Variants in KATNBL1 observed in about 807,000 individuals in gnomAD.
KATNBL1 encodes katanin regulatory subunit B1 like 1, also known as KATNB1-like protein 1.
A neutral mutation model predicts 44.7 loss-of-function variants in KATNBL1; 28 were observed. The ratio of observed to expected loss-of-function variants is 0.63; its 90% confidence interval spans 0.46 to 0.86. KATNBL1 has a LOEUF of 0.86. Ranked by LOEUF, KATNBL1 falls within the 40% of genes least tolerant of loss-of-function variation. KATNBL1 has a pLI of 0.00. For synonymous variants in KATNBL1, 78 were observed against 114.9 expected, an observed-to-expected ratio of 0.68 and a Z score of 2.06; for missense variants, 272 against 350.7, an observed-to-expected ratio of 0.78 and a Z score of 1.79.
intron 1 of KATNBL1, among the ~76,000 whole-genome samples, chr15:34,191,188 T>TATATATATATATATATATATATATATATA (rs1331589830): frequency 2.9e-5 from 4 of 137,906 alleles, no homozygotes; most frequent in Non-Finnish European, 6.2e-5. Flanking sequence ...TATATATATA[T>TATATATATATATATATATATATATATATA]TTGGTAGGGC....
chr15:34,180,200 A>G (rs1219138719), intron 1 of KATNBL1, among the ~76,000 whole-genome samples: 2 of 152,030 alleles, frequency 1.3e-5, no homozygotes, highest in Non-Finnish European at 2.9e-5. Context: ...AATTTCTACA[A>G]TGAGTGCTTT....
intron 1 of KATNBL1, among the ~76,000 whole-genome samples, chr15:34,179,635 G>A (rs1889459011): frequency 6.6e-6 from 1 of 152,078 alleles, no homozygotes; most frequent in Non-Finnish European, 1.5e-5. Flanking sequence ...CACCTGGCAA[G>A]CAACAGTATT....
rs1491367010 is a variant in KATNBL1 at position 34,151,435 on chromosome 15, A to ATT, written c.438+1354_438+1355insAA. Among the ~76,000 whole-genome samples the ATT allele has an allele frequency of 7.7e-3, 493 of 63,804 alleles. 25 individuals carry two copies. The highest frequency in any genetic ancestry group is 0.011 in the Non-Finnish European group (356 of 31,196). The allele number at this position is 63,804 out of a possible 152,430, so 41.9% of individuals were successfully genotyped here. On this transcript the variant is annotated intron_variant, in intron 4 of 9. Transcript: ENST00000256544. The stretch of plus-strand genomic sequence containing the variant: ...AAAGTGTCTATTGTGTCCTTTGCCT[A>ATT]CTTTTTTTTTTTTTTTTTTTTTTTT...
At chr15:34,173,393 GT>G (rs1340345872) in intron 1 of KATNBL1, among the ~76,000 whole-genome samples, 1 of 152,150 alleles carries the variant, frequency 6.6e-6, no homozygotes, top group Non-Finnish European at 1.5e-5. Context: ...ACTTGGTCAT[GT>G]AAAAATGACA....
chr15:34,192,768 G>GA (rs894731897), intron 1 of KATNBL1, among the ~76,000 whole-genome samples: 5 of 152,236 alleles, frequency 3.3e-5, no homozygotes, highest in East Asian at 3.9e-4. Flanking sequence ...AATAAATATG[G>GA]AAAAAATAAT....
At chr15:34,145,584 T>A (rs1466705484) in intron 8 of KATNBL1, 93 bp from the exon 9 acceptor site, 5 of 1,122,988 alleles carry the variant, frequency 4.5e-6, no homozygotes, top group Non-Finnish European at 5.7e-6. Context: ...TGTTCTAAAA[T>A]TTTTCAGGTA....
chr15:34,143,213 G>C (rs568117415), intron 9 of KATNBL1, among the ~76,000 whole-genome samples: 100 of 150,046 alleles, frequency 6.7e-4, no homozygotes, highest in African/African-American at 2.2e-3. Flanking sequence ...GGTGGCTCCC[G>C]CCTGTAATCC....
At chr15:34,143,894 G>A (rs1888228750) in intron 9 of KATNBL1, among the ~76,000 whole-genome samples, 1 of 144,660 alleles carries the variant, frequency 6.9e-6, no homozygotes, top group African/African-American at 2.5e-5. Context: ...GTGAACCTGG[G>A]AGGTGGAGCT....
chr15:34,176,573 T>G (rs1367871697), intron 1 of KATNBL1, among the ~76,000 whole-genome samples: 1 of 152,192 alleles, frequency 6.6e-6, no homozygotes, highest in Non-Finnish European at 1.5e-5. Flanking sequence ...ATTGTATATA[T>G]AGGCACAAGG....
intron 1 of KATNBL1, among the ~76,000 whole-genome samples, chr15:34,185,889 T>C (rs745982621): frequency 3.9e-5 from 6 of 152,166 alleles, no homozygotes. Flanking sequence ...TGGTGTCTCA[T>C]TGTCCAGATG....
rs549090779 is a variant in KATNBL1, at chr15:34,183,394, C to T, written c.-14-19704G>A. Among the ~76,000 whole-genome samples the T allele has an allele frequency of 1.1e-4, 16 of 152,298 alleles. No individual in the cohort carries two copies. In the East Asian group the frequency reaches 2.1e-3, roughly 20 times the overall value. ...CTACTTACTATGCAGGTAGGTATCA[C>T]AACTTACAATCTGGGTAAAAAATTA... On this transcript the variant is annotated intron_variant, in intron 1 of 9. Coordinates refer to ENST00000256544, the MANE Select transcript of KATNBL1 (RefSeq NM_024713.3).
chr15:34,184,496 A>AG lies in KATNBL1; in HGVS notation c.-14-20807_-14-20806insC, dbSNP rs1164599066. Among the ~76,000 whole-genome samples, 4 of 151,430 alleles carry AG rather than the reference A, an allele frequency of 2.6e-5. No individual in the cohort carries two copies. The East Asian group carries it at 7.8e-4, about 30-fold the overall frequency. On this transcript the variant is annotated intron_variant, in intron 1 of 9. Transcript: ENST00000256544. ...GTGAGATTCCATCTCAAAAAAAAAA[A>AG]AAAAGGAACTCCTAAACTCATTGTA... is the stretch of plus-strand genomic sequence containing the variant.
chr15:34,166,410 G>C (rs1212400320), intron 1 of KATNBL1, among the ~76,000 whole-genome samples: 2 of 152,240 alleles, frequency 1.3e-5, no homozygotes, highest in Admixed American at 6.5e-5. Context: ...GCTGAGGCTT[G>C]AGTAGGTAAA....
At chr15:34,164,301 AACAC>A (rs1291682802) in intron 1 of KATNBL1, among the ~76,000 whole-genome samples, 4 of 152,364 alleles carry the variant, frequency 2.6e-5, no homozygotes, top group African/African-American at 9.6e-5. Context: ...CCATTTAATA[AACAC>A]ACAGGTTATG....
intron 7 of KATNBL1, 130 bp downstream of exon 7, chr15:34,147,070 T>C: frequency 3.1e-6 from 2 of 654,434 alleles, no homozygotes; most frequent in South Asian, 2.0e-5. Flanking sequence ...CTTTTCCTAA[T>C]TGTACTATTA....
At chr15:34,149,773 C>T (rs757883828) in intron 4 of KATNBL1, among the ~76,000 whole-genome samples, 3 of 152,332 alleles carry the variant, frequency 2.0e-5, no homozygotes, top group Middle Eastern at 3.4e-3. Flanking sequence ...GTGCTGTGTG[C>T]CTACAGTCCC....
At chr15:34,178,777 AGG>A in intron 1 of KATNBL1, among the ~76,000 whole-genome samples, 1 of 138,768 alleles carries the variant, frequency 7.2e-6, no homozygotes. Context: ...AAAAAAAAAA[AGG>A]ATTTCACTGA....
Position 34,141,835 on chromosome 15 carries a change from T to C in KATNBL1, c.*504A>G, listed in dbSNP as rs1331063785. 1 of 149,702 alleles carries C rather than the reference T, an allele frequency of 6.7e-6. No individual in the cohort carries two copies. The highest frequency in any genetic ancestry group is 2.4e-5 in the African/African-American group (1 of 41,332). 9.3% of individuals were successfully genotyped at this position (149,702 alleles called of 1,614,324 possible). ...CTCAGTGTGAACAAAAAATGTTTAATATTGATTTTTTTCATGTTTTAAACT... is the reference window on the plus strand; with the variant it reads ...CTCAGTGTGAACAAAAAATGTTTAACATTGATTTTTTTCATGTTTTAAACT... On this transcript the variant is annotated 3_prime_UTR_variant, in exon 10 of 10. Transcript: ENST00000256544.
intron 1 of KATNBL1, among the ~76,000 whole-genome samples, chr15:34,186,850 C>A (rs1889731432): frequency 6.6e-6 from 1 of 152,228 alleles, no homozygotes; most frequent in African/African-American, 2.4e-5. Flanking sequence ...AGTAAGGCCC[C>A]ACCCTCAGGC....
Sources: allele counts gnomAD v4.1 joint callset (sites outside exome capture counted in the v4.1 genomes callset), GRCh38; gene constraint gnomAD v4.1.1; transcripts MANE v1.5; gene names NCBI Gene and HGNC (gene_info 2026-07-23, HGNC 2026-07-21).